PLEKHA5: variants seen among roughly 807,000 people sequenced by gnomAD.
PLEKHA5 encodes the protein pleckstrin homology domain-containing family A member 5.
In PLEKHA5, 55 loss-of-function variants were observed where a neutral mutation model predicts 181.9. That is an observed-to-expected ratio of 0.30 (90% CI 0.24 to 0.38). The LOEUF (loss-of-function observed/expected upper bound fraction) is 0.38, where lower values mean the gene tolerates loss of function less well. PLEKHA5 is among the 10% of genes least tolerant of loss of function. PLEKHA5 has a pLI of 1.00. For synonymous variants in PLEKHA5, 535 were observed against 529.4 expected (o/e 1.01, Z -0.15); for missense variants, 1,432 against 1,549.5 (o/e 0.92, Z 1.27).
intron 22 of PLEKHA5, among the ~76,000 whole-genome samples, chr12:19,345,293 G>A (rs553047043): frequency 2.0e-5 from 3 of 151,794 alleles, no homozygotes; most frequent in South Asian, 2.1e-4. Context: ...CCAGCTGCTC[G>A]GGAGGCTGAG....
chr12:19,337,857 G>C (rs59587068), intron 21 of PLEKHA5, among the ~76,000 whole-genome samples: 16,867 of 151,500 alleles, frequency 0.11, 1,082 homozygotes, highest in Middle Eastern at 0.2. Flanking sequence ...GATTGTGAAA[G>C]CCCATCTCTA....
chr12:19,275,767 T>TAA (rs879288290), intron 11 of PLEKHA5, among the ~76,000 whole-genome samples: 1 of 147,754 alleles, frequency 6.8e-6, no homozygotes, highest in African/African-American at 2.5e-5. Flanking sequence ...AACCCAACTC[T>TAA]AAAAAAAAAA....
At chr12:19,316,888 G>C (rs1485341904) in intron 16 of PLEKHA5, among the ~76,000 whole-genome samples, 1 of 152,142 alleles carries the variant, frequency 6.6e-6, no homozygotes, top group Admixed American at 6.5e-5. Context: ...TTGAATGACA[G>C]TGTTTTATTA....
Position 19,129,747 on chromosome 12 carries a change from C to G in PLEKHA5, c.-53C>G. 7.0e-7 allele frequency: 1 copy of G among 1,419,814 alleles called. No individual in the cohort carries two copies. Among genetic ancestry groups the G allele is most frequent in the Non-Finnish European group, 9.8e-7 (1 of 1,020,334 alleles). 88.0% of individuals were successfully genotyped at this position (1,419,814 alleles called of 1,614,324 possible). ...TTCGCTCGCTCGTTCCCTCCTCCCT[C>G]GGCAGCCGCGGCGGCAGCAGGAGAA... On this transcript the variant is annotated 5_prime_UTR_variant, in exon 1 of 32. Coordinates refer to ENST00000429027, the MANE Select transcript of PLEKHA5 (RefSeq NM_001256470.2).
intron 3 of PLEKHA5, among the ~76,000 whole-genome samples, chr12:19,246,128 G>A (rs527661802): frequency 7.9e-5 from 12 of 151,122 alleles, no homozygotes; most frequent in Admixed American, 5.3e-4. Flanking sequence ...ACAGGCGCCC[G>A]CCACCACACC....
At chr12:19,334,829 A>AAAAAAAAATATATATAT in intron 20 of PLEKHA5, among the ~76,000 whole-genome samples, 6 of 18,598 alleles carry the variant, frequency 3.2e-4, no homozygotes, top group Admixed American at 1.8e-3. Flanking sequence ...AAAAAAAAAA[A>AAAAAAAAATATATATAT]ATATATATAT....
At chr12:19,199,405 G>A (rs925301008) in intron 3 of PLEKHA5, among the ~76,000 whole-genome samples, 1 of 152,124 alleles carries the variant, frequency 6.6e-6, no homozygotes, top group Admixed American at 6.6e-5. Context: ...GTTGTACTGA[G>A]GAGTGTCACT....
At chr12:19,269,986 G>T in intron 9 of PLEKHA5, 101 bp downstream of exon 9, 2 of 664,040 alleles carry the variant, frequency 3.0e-6, no homozygotes, top group East Asian at 5.6e-5. Flanking sequence ...TAATAGTCAT[G>T]GTATGAAATC....
intron 20 of PLEKHA5, among the ~76,000 whole-genome samples, chr12:19,326,812 T>TA (rs1298124900): frequency 6.6e-6 from 1 of 152,240 alleles, no homozygotes; most frequent in Non-Finnish European, 1.5e-5. Context: ...AGTGAGAACA[T>TA]ACGGTATTTG....
rs2033500372 is a variant in PLEKHA5, at chr12:19,130,764, G to A, written c.169+634G>A. ...GGGAACGGCTCGGGAAACGCTTGGC[G>A]CGTTCCCTCCTGCCACGGGAGGAGC... On this transcript the variant is annotated intron_variant, in intron 2 of 31. Coordinates refer to ENST00000429027, the MANE Select transcript of PLEKHA5 (RefSeq NM_001256470.2). The surrounding 1 kb of genome is among the most constrained non-coding windows in gnomAD (Gnocchi z 4.5). The A allele has an allele frequency of 1.3e-5, 2 of 152,230 alleles. No individual in the cohort carries two copies. The highest frequency in any genetic ancestry group is 4.8e-5 in the African/African-American group (2 of 41,462). 9.4% of individuals were successfully genotyped at this position (152,230 alleles called of 1,614,324 possible).
chr12:19,238,286 A>G (rs1201526093), intron 3 of PLEKHA5, among the ~76,000 whole-genome samples: 1 of 152,146 alleles, frequency 6.6e-6, no homozygotes, highest in African/African-American at 2.4e-5. Flanking sequence ...TGAATAATAT[A>G]GTTAGGTATT....
At chr12:19,315,013 T>G in intron 16 of PLEKHA5, 119 bp downstream of exon 16, 2 of 658,600 alleles carry the variant, frequency 3.0e-6, no homozygotes, top group Non-Finnish European at 5.5e-6. Context: ...TATTTTTTGT[T>G]TATGTTTATT....
intron 15 of PLEKHA5, among the ~76,000 whole-genome samples, chr12:19,311,648 T>C (rs2086603859): frequency 6.6e-6 from 1 of 152,162 alleles, no homozygotes. Context: ...AGTTTTAGTA[T>C]GAGATTGAAG....
chr12:19,201,878 G>A (rs1272629800), intron 3 of PLEKHA5: 3 of 168,532 alleles, frequency 1.8e-5, no homozygotes, highest in Non-Finnish European at 2.4e-5. Context: ...AAAACTAGAT[G>A]TGGTAATAGT....
intron 31 of PLEKHA5, among the ~76,000 whole-genome samples, chr12:19,374,348 C>T (rs1380110444): frequency 3.3e-5 from 5 of 151,540 alleles, no homozygotes; most frequent in Admixed American, 3.3e-4. Flanking sequence ...ATTTTTTATT[C>T]TGTATTGCTA....
At position 19,353,763 on chromosome 12, in the gene PLEKHA5, T is replaced by A. The variant is rs1354745736; in HGVS notation, c.3020-121T>A. On this transcript the variant is annotated intron_variant, in intron 25 of 31. Transcript: ENST00000429027. ...CGTGAGCCACCGCGCCAGGCCAGCC[T>A]GACTCTTTTTAAATAAATTTGCTTT... 9.1e-6 allele frequency: 6 copies of A among 658,254 alleles called. No homozygotes were observed. The East Asian group carries it at 1.6e-4, about 18-fold the overall frequency. The allele number at this position is 658,254 out of a possible 1,614,324, so 40.8% of individuals were successfully genotyped here. A position where few individuals can be genotyped will look rare whatever the true frequency, so the allele number is the denominator to read the frequency against.
At chr12:19,304,942 A>T (rs908722850) in intron 15 of PLEKHA5, among the ~76,000 whole-genome samples, 2 of 151,976 alleles carry the variant, frequency 1.3e-5, no homozygotes, top group Non-Finnish European at 2.9e-5. Context: ...TTCTTTTTTT[A>T]AAATTTTTTA....
At chr12:19,200,491 T>C in intron 3 of PLEKHA5, 1 of 1,375,902 alleles carries the variant, frequency 7.3e-7, no homozygotes, top group Non-Finnish European at 9.4e-7. Context: ...TTTCCTATTC[T>C]CCATAACAAA....
At chr12:19,262,564 A>G (rs2068837241) in intron 7 of PLEKHA5, among the ~76,000 whole-genome samples, 1 of 152,196 alleles carries the variant, frequency 6.6e-6, no homozygotes, top group Admixed American at 6.5e-5. Context: ...TTAATTTGCA[A>G]CAAAAACCAC....
Sources: allele counts gnomAD v4.1 joint callset (sites outside exome capture counted in the v4.1 genomes callset), GRCh38; gene constraint gnomAD v4.1.1; non-coding constraint Gnocchi (gnomAD v3.1); transcripts MANE v1.5; gene names NCBI Gene and HGNC (gene_info 2026-07-23, HGNC 2026-07-21).